The following RAB40C variants were observed in gnomAD, a reference collection of about 807,000 sequenced individuals.
RAB40C encodes the protein RAB40C, member RAS oncogene family.
In RAB40C, 8 loss-of-function variants were observed where a neutral mutation model predicts 28.1. That is an observed-to-expected ratio of 0.28 (90% confidence interval 0.17 to 0.51). The LOEUF (loss-of-function observed/expected upper bound fraction) is 0.51. Ranked by LOEUF, RAB40C falls within the 20% of genes least tolerant of loss-of-function variation. The pLI is 0.97. For missense variants in RAB40C, 288 were observed against 405.9 expected (o/e 0.71, Z 2.50); for synonymous variants, 201 against 171.7 (o/e 1.17, Z -1.34).
chr16:607,055 G>C (rs1192857817), intron 1 of RAB40C, among the ~76,000 whole-genome samples: 2 of 152,186 alleles, frequency 1.3e-5, no homozygotes, highest in African/African-American at 4.8e-5. Flanking sequence ...CCACTTCCGA[G>C]CCGAGGGTGC....
chr16:608,138 C>T (rs1205455663), intron 1 of RAB40C, among the ~76,000 whole-genome samples: 5 of 152,218 alleles, frequency 3.3e-5, no homozygotes, highest in Non-Finnish European at 5.9e-5. Context: ...TTCCGCATGG[C>T]TGCAGAGGCC....
chr16:620,727 C>G (rs1256913487), intron 3 of RAB40C, among the ~76,000 whole-genome samples: 2 of 74,098 alleles, frequency 2.7e-5, no homozygotes, highest in Non-Finnish European at 5.2e-5. Context: ...CCCAGCCCCC[C>G]GCCGACGGGC....
At chr16:625,290 G>A in intron 3 of RAB40C, 142 bp from the exon 4 acceptor site, 1 of 1,462,946 alleles carries the variant, frequency 6.8e-7, no homozygotes, top group Non-Finnish European at 9.1e-7. Flanking sequence ...TGCCTGGAGG[G>A]CATGGCTCAT....
intron 1 of RAB40C, among the ~76,000 whole-genome samples, chr16:600,682 G>A (rs2036231166): frequency 1.3e-5 from 2 of 152,192 alleles, no homozygotes; most frequent in Non-Finnish European, 2.9e-5. Context: ...ACCTGGGGAG[G>A]CGGAGGTTGC....
chr16:626,164 G>C, intron 5 of RAB40C, 43 bp downstream of exon 5: 1 of 1,559,610 alleles, frequency 6.4e-7, no homozygotes, highest in East Asian at 2.2e-5. Context: ...CCCCGAACCT[G>C]GGCTGCCCTG....
intron 3 of RAB40C, chr16:624,885 C>G: frequency 1.0e-6 from 1 of 985,450 alleles, no homozygotes; most frequent in Non-Finnish European, 1.2e-6. Context: ...AGCTGAGCTC[C>G]AAGTAATTGG....
chr16:595,691 C>G (rs1567183552), intron 1 of RAB40C, among the ~76,000 whole-genome samples: 1 of 151,910 alleles, frequency 6.6e-6, no homozygotes, highest in African/African-American at 2.4e-5. Flanking sequence ...CAAGCTCCAC[C>G]TCCCGGGTTC....
intron 1 of RAB40C, among the ~76,000 whole-genome samples, chr16:609,434 G>A (rs1359855985): frequency 6.6e-6 from 1 of 152,192 alleles, no homozygotes; most frequent in East Asian, 1.9e-4. Context: ...GCCCGTGGCA[G>A]GATGATGGCA....
chr16:627,305 C>A lies in RAB40C; in HGVS notation c.566-37C>A, dbSNP rs374631388. The A allele has an allele frequency of 1.6e-5, 25 of 1,587,618 alleles. 1 individual carries two copies. The highest frequency in any genetic ancestry group is 1.1e-4 in the East Asian group (5 of 44,690). ...TCTCCCTGCACAGGGCCTCCTCCCC[C>A]ACAGCCCCATGGTCTGACACCCCCT... On this transcript the variant is annotated intron_variant, in intron 5 of 5. Transcript: ENST00000248139.
intron 3 of RAB40C, chr16:625,114 C>T (rs1460933936): frequency 2.3e-6 from 3 of 1,328,830 alleles, no homozygotes; most frequent in African/African-American, 3.0e-5. Context: ...CTGCACGTCC[C>T]CCGGCTGCCA....
intron 1 of RAB40C, among the ~76,000 whole-genome samples, chr16:604,340 A>G (rs1186147774): frequency 6.6e-6 from 1 of 152,334 alleles, no homozygotes; most frequent in East Asian, 1.9e-4. Context: ...CTATAACACA[A>G]ATACGCACGA....
chr16:595,606 T>C (rs368099707), intron 1 of RAB40C, among the ~76,000 whole-genome samples: 78 of 149,758 alleles, frequency 5.2e-4, no homozygotes, highest in African/African-American at 1.5e-3. Flanking sequence ...TTTTCTTCTT[T>C]TTTTTTTTTT....
chr16:622,406 A>G (rs2036738218), intron 3 of RAB40C, among the ~76,000 whole-genome samples: 1 of 152,268 alleles, frequency 6.6e-6, no homozygotes, highest in East Asian at 1.9e-4. Context: ...CACCGTGGAC[A>G]CGTCTGTAGA....
chr16:593,132 A>C (rs374410326), intron 1 of RAB40C, among the ~76,000 whole-genome samples: 1 of 152,324 alleles, frequency 6.6e-6, no homozygotes, highest in African/African-American at 2.4e-5. Context: ...TTCTGTGTCT[A>C]AGGTCTCAAG....
upstream of RAB40C, chr16:589,694 G>A (rs1214452371): frequency 1.3e-5 from 2 of 152,084 alleles, no homozygotes; most frequent in Admixed American, 6.5e-5. Context: ...GCAGCCGCAG[G>A]GAAGGGAATG....
chr16:625,839 T>C (rs998334048), intron 4 of RAB40C, 60 bp from the exon 5 acceptor site: 48 of 1,468,456 alleles, frequency 3.3e-5, no homozygotes, highest in Non-Finnish European at 4.4e-5. Context: ...CGGGCCCTGC[T>C]GCGGCTGAGG....
intron 1 of RAB40C, among the ~76,000 whole-genome samples, chr16:601,815 T>TAA (rs60094426): frequency 0.045 from 1,228 of 27,192 alleles, 94 homozygotes; most frequent in Non-Finnish European, 0.057. Context: ...CAAAAAAAAG[T>TAA]AAAAAAAAAA....
intron 5 of RAB40C, among the ~76,000 whole-genome samples, chr16:626,986 G>A (rs977229719): frequency 3.3e-5 from 5 of 152,106 alleles, no homozygotes; most frequent in South Asian, 4.1e-4. Context: ...GAGTCAGGAC[G>A]CGCGCTCCCC....
At position 628,616 on chromosome 16, in the gene RAB40C, T is replaced by TGGGGGCCTCGGG. The variant is rs2036893176; in HGVS notation, c.*994_*995insGGGGGCCTCGGG. 2.0e-5 allele frequency: 3 copies of TGGGGGCCTCGGG among 152,492 alleles called. No homozygotes were observed. Among genetic ancestry groups the TGGGGGCCTCGGG allele is most frequent in the Non-Finnish European group, 4.4e-5 (3 of 68,122 alleles). The allele number at this position is 152,492 out of a possible 1,614,324, so 9.4% of individuals were successfully genotyped here. ...CGTCCACCTGGGGGCCTCGGGAGGCTAGGCCCCTCCTCAAAGGCCCACCAG... is the reference window on the plus strand; with the variant it reads ...CGTCCACCTGGGGGCCTCGGGAGGCTGGGGGCCTCGGGAGGCCCCTCCTCAAAGGCCCACCAG... On this transcript the variant is annotated 3_prime_UTR_variant, in exon 6 of 6. Coordinates refer to ENST00000248139, the MANE Select transcript of RAB40C (RefSeq NM_021168.5).
Sources: allele counts gnomAD v4.1 joint callset (sites outside exome capture counted in the v4.1 genomes callset), GRCh38; gene constraint gnomAD v4.1.1; transcripts MANE v1.5; gene names NCBI Gene and HGNC (gene_info 2026-07-23, HGNC 2026-07-21).